CSRP2: variants seen among roughly 807,000 people sequenced by gnomAD.
CSRP2 encodes cysteine and glycine-rich protein 2.
In CSRP2, 18 loss-of-function variants were observed where a neutral mutation model predicts 24.6. The observed-to-expected ratio is 0.73, with a 90% CI of 0.51 to 1.09. The LOEUF (loss-of-function observed/expected upper bound fraction) is 1.09, where lower values mean the gene tolerates loss of function less well. Ranked by LOEUF, CSRP2 falls within the 50% of genes least tolerant of loss-of-function variation. The probability of loss-of-function intolerance (pLI) is 0.00; values close to 1 mark genes in which losing one functional copy is unlikely to be tolerated. For synonymous variants in CSRP2, 87 were observed against 84.3 expected (o/e 1.03, Z -0.18); for missense variants, 215 against 239.4 (o/e 0.90, Z 0.67).
At chr12:76,868,391 C>T (rs1252176013) in intron 1 of CSRP2, among the ~76,000 whole-genome samples, 1 of 152,080 alleles carries the variant, frequency 6.6e-6, no homozygotes, top group Non-Finnish European at 1.5e-5. Context: ...CTTTCGCGTG[C>T]TGGTCTCATG....
chr12:76,869,578 A>ACACACACACACACACACC (rs1420575005), intron 1 of CSRP2, among the ~76,000 whole-genome samples: 9 of 138,990 alleles, frequency 6.5e-5, no homozygotes, highest in African/African-American at 2.4e-4. Context: ...ACACACACAC[A>ACACACACACACACACACC]CCCCTGACTG....
At chr12:76,866,875 T>C (rs1953741034) in intron 1 of CSRP2, among the ~76,000 whole-genome samples, 1 of 152,168 alleles carries the variant, frequency 6.6e-6, no homozygotes, top group African/African-American at 2.4e-5. Flanking sequence ...TGCACGGAAC[T>C]TTTGCCGTAA....
chr12:76,864,210 T>G (rs766863219), intron 2 of CSRP2: 2 of 152,238 alleles, frequency 1.3e-5, no homozygotes, highest in Non-Finnish European at 2.9e-5. Flanking sequence ...AAAAGTAAAT[T>G]GTGAGGAAAC....
intron 2 of CSRP2, 95 bp from the exon 3 acceptor site, chr12:76,863,439 GGCTGA>G: frequency 7.8e-7 from 1 of 1,277,324 alleles, no homozygotes. Context: ...AAATGGTGAA[GGCTGA>G]GGCTCCCTCA....
chr12:76,874,812 T>A (rs1953837787), intron 1 of CSRP2, among the ~76,000 whole-genome samples: 1 of 152,148 alleles, frequency 6.6e-6, no homozygotes, highest in South Asian at 2.1e-4. Flanking sequence ...AGGTGAGGGA[T>A]CTAGGTGCCC....
chr12:76,876,067 G>A (rs375504669), intron 1 of CSRP2, among the ~76,000 whole-genome samples: 138 of 152,288 alleles, frequency 9.1e-4, no homozygotes, highest in African/African-American at 3.3e-3. Flanking sequence ...TTCTTCTTAA[G>A]CTGAGTAGTT....
In CSRP2 at chr12:76,860,326, C is replaced by A; in HGVS notation, c.369G>T (p.Gly123=). 1.2e-6 allele frequency: 2 copies of A among 1,614,072 alleles called. No individual in the cohort carries two copies. The highest frequency in any genetic ancestry group is 1.7e-6 in the Non-Finnish European group (2 of 1,179,982). Reference sequence around the variant, plus strand: ...TCTTCTCGGCAGCATATACAGAATCCCCACATCTGGAACACTTCTCAGCAC... The same window carrying A: ...TCTTCTCGGCAGCATATACAGAATCACCACATCTGGAACACTTCTCAGCAC... The part of the protein sequence containing the change: ...YGGAEKCSRC[G]DSVYAAEKII... Residue 123 remains glycine, a synonymous_variant, in exon 4 of 6, where the codon GGG becomes GGT. Coordinates refer to ENST00000311083, the MANE Select transcript of CSRP2 (RefSeq NM_001321.3).
At chr12:76,873,569 T>G (rs1196194830) in intron 1 of CSRP2, among the ~76,000 whole-genome samples, 1 of 152,164 alleles carries the variant, frequency 6.6e-6, no homozygotes, top group East Asian at 1.9e-4. Context: ...AAGGGCAAAG[T>G]AAGAACACGC....
chr12:76,878,669 C>A (rs1416866785), intron 1 of CSRP2, among the ~76,000 whole-genome samples: 2 of 152,268 alleles, frequency 1.3e-5, no homozygotes, highest in Non-Finnish European at 2.9e-5. Context: ...AGATTATTTA[C>A]CTGCCCCGCG....
At chr12:76,862,853 C>T in intron 3 of CSRP2, 1 of 1,528,540 alleles carries the variant, frequency 6.5e-7, no homozygotes, top group East Asian at 2.5e-5. Flanking sequence ...CAGCACATTT[C>T]TCTACCATTT....
rs57542492 is a variant in CSRP2 at position 76,869,529 on chromosome 12, A to AACACACACACACACACACACACAC, written c.-1-3292_-1-3269dup. Among the ~76,000 whole-genome samples, 193 of 135,404 alleles carry AACACACACACACACACACACACAC rather than the reference A, an allele frequency of 1.4e-3. 1 individual carries two copies. The highest frequency in any genetic ancestry group is 1.8e-3 in the Non-Finnish European group (114 of 63,632). The allele number at this position is 135,404 out of a possible 152,430, so 88.8% of individuals were successfully genotyped here. On this transcript the variant is annotated intron_variant, in intron 1 of 5. Transcript: ENST00000311083. ...GGAGCTCCTGTTCCTTAAAACAAAC[A>AACACACACACACACACACACACAC]ACACACACACACACACACACACACA...
chr12:76,873,128 T>C (rs556359934), intron 1 of CSRP2, among the ~76,000 whole-genome samples: 1 of 152,364 alleles, frequency 6.6e-6, no homozygotes, highest in Admixed American at 6.5e-5. Flanking sequence ...GCCCAGATTC[T>C]AAATGCCTCC....
chr12:76,860,445 GA>G, intron 3 of CSRP2, 32 bp from the exon 4 acceptor site: 1 of 1,609,530 alleles, frequency 6.2e-7, no homozygotes, highest in Non-Finnish European at 8.5e-7. Context: ...AAGTAGGCAA[GA>G]GTTTCCACAG....
intron 1 of CSRP2, among the ~76,000 whole-genome samples, chr12:76,872,677 G>A (rs1476959682): frequency 1.3e-5 from 2 of 152,234 alleles, no homozygotes; most frequent in Non-Finnish European, 1.5e-5. Context: ...TAAGCCCTAT[G>A]TAAATCAGAC....
At position 76,862,844 on chromosome 12, in the gene CSRP2, A is replaced by G. The variant is rs189476195; in HGVS notation, c.281+332T>C. 4.2e-4 allele frequency: 646 copies of G among 1,523,978 alleles called. 5 individuals are homozygous for G. In the African/African-American group the frequency reaches 7.6e-3, roughly 18 times the overall value. The allele number at this position is 1,523,978 out of a possible 1,614,324, so 94.4% of individuals were successfully genotyped here. A position where few individuals can be genotyped will look rare whatever the true frequency, so the allele number is the denominator to read the frequency against. On this transcript the variant is annotated intron_variant, in intron 3 of 5. Transcript: ENST00000311083. ...GAGAAACACCTCTCATGATTCACAC[A>G]GCACATTTCTCTACCATTTAATTTC...
chr12:76,877,298 T>A (rs996168732), intron 1 of CSRP2, among the ~76,000 whole-genome samples: 3 of 152,240 alleles, frequency 2.0e-5, no homozygotes, highest in African/African-American at 7.2e-5. Context: ...CAAGTGATTT[T>A]GCAATTTCAT....
In CSRP2 at chr12:76,866,140, G is replaced by A. The variant is rs1466174869; in HGVS notation, c.112+9C>T. 6.3e-7 allele frequency: 1 copy of A among 1,599,874 alleles called. No homozygotes were observed. Among genetic ancestry groups the A allele is most frequent in the Non-Finnish European group, 8.6e-7 (1 of 1,167,072 alleles). On this transcript the variant is annotated intron_variant, in intron 2 of 5. Transcript: ENST00000311083. ...TTCCGTCAAAGGTGGAGCATGGAGA[G>A]CTACTTACTGCAGAGAAAGCAGCAG...
At chr12:76,862,936 G>A (rs141225815) in intron 3 of CSRP2, 44 of 1,509,308 alleles carry the variant, frequency 2.9e-5, no homozygotes, top group Non-Finnish European at 3.2e-5. Flanking sequence ...TTGAGAACAC[G>A]ACTCCTTGAT....
chr12:76,869,062 G>GAATATA (rs2137831409), intron 1 of CSRP2, among the ~76,000 whole-genome samples: 1 of 152,182 alleles, frequency 6.6e-6, no homozygotes, highest in South Asian at 2.1e-4. Context: ...AACAGACTGA[G>GAATATA]AATATAAATA....
Sources: gnomAD v4.1 joint callset for allele counts (sites outside exome capture counted in the v4.1 genomes callset) on GRCh38, gnomAD v4.1.1 for gene constraint, MANE v1.5 for transcripts, NCBI Gene and HGNC (gene_info 2026-07-23, HGNC 2026-07-21) for gene names.